The following FAM117B variants were observed in gnomAD, a reference collection of about 807,000 sequenced individuals.
FAM117B encodes the protein protein FAM117B.
In FAM117B, 22 loss-of-function variants were observed where a neutral mutation model predicts 52.8. The ratio of observed to expected loss-of-function variants is 0.42; its 90% CI spans 0.30 to 0.59. The LOEUF (loss-of-function observed/expected upper bound fraction) is 0.59, where lower values mean the gene tolerates loss of function less well. Ranked by LOEUF, FAM117B falls within the 20% of genes least tolerant of loss-of-function variation. FAM117B has a pLI of 0.22. For missense variants in FAM117B, 678 were observed against 802.6 expected (o/e 0.84, Z 1.88); for synonymous variants, 309 against 324.1 (o/e 0.95, Z 0.50).
At chr2:202,761,192 C>T (rs929406475) in intron 7 of FAM117B, among the ~76,000 whole-genome samples, 6 of 152,186 alleles carry the variant, frequency 3.9e-5, no homozygotes, top group Admixed American at 1.3e-4. Flanking sequence ...CCACTGCATC[C>T]GGCCTGAGTT....
Position 202,683,612 on chromosome 2 carries a change from C to A in FAM117B, c.602-12269C>A, listed in dbSNP as rs79043391. Among the ~76,000 whole-genome samples, 1,353 of 152,178 alleles carry A rather than the reference C, an allele frequency of 8.9e-3. 22 individuals carry two copies. Among genetic ancestry groups the A allele is most frequent in the African/African-American group, 0.03 (1,257 of 41,532 alleles). On this transcript the variant is annotated intron_variant, in intron 1 of 7. Coordinates refer to ENST00000392238, the MANE Select transcript of FAM117B (RefSeq NM_173511.4). ...AAGAGACAAACTAGCAAAACTGACTCAGGAAGAAATAGAAAACTTGAATAT... is the reference window on the plus strand; with the variant it reads ...AAGAGACAAACTAGCAAAACTGACTAAGGAAGAAATAGAAAACTTGAATAT...
Position 202,642,033 on chromosome 2 carries a change from C to G in FAM117B, c.601+6245C>G, listed in dbSNP as rs1204921213. ...TCTCGGCTTACTGCAACCTCCGCCT[C>G]CCAGGTTCAAGCCATTCTCCTGCCT... On this transcript the variant is annotated intron_variant, in intron 1 of 7. Coordinates refer to ENST00000392238, the MANE Select transcript of FAM117B (RefSeq NM_173511.4). 2.0e-5 allele frequency among the ~76,000 whole-genome samples: 3 copies of G among 149,460 alleles called. No homozygotes were observed. In the South Asian group the frequency reaches 6.4e-4, roughly 32 times the overall value.
At chr2:202,662,844 AAAG>A (rs1486878626) in intron 1 of FAM117B, among the ~76,000 whole-genome samples, 4 of 152,264 alleles carry the variant, frequency 2.6e-5, no homozygotes, top group Admixed American at 6.5e-5. Context: ...CTCCATCTCA[AAAG>A]AAGAAGAAGA....
At position 202,635,717 on chromosome 2, in the gene FAM117B, G is replaced by A. The variant is rs1435320200; in HGVS notation, c.530G>A (p.Arg177Gln). 2 of 1,438,534 alleles carry A rather than the reference G, an allele frequency of 1.4e-6. No individual in the cohort carries two copies. Among genetic ancestry groups the A allele is most frequent in the Non-Finnish European group, 1.8e-6 (2 of 1,097,496 alleles). 89.1% of individuals were successfully genotyped at this position (1,438,534 alleles called of 1,614,324 possible). A position where few individuals can be genotyped will look rare whatever the true frequency, so the allele number is the denominator to read the frequency against. The change falls in exon 1 of 8, where the codon CGG (arginine) becomes CAG (glutamine). Residue 177 changes from arginine to glutamine, a missense_variant. Physicochemically the swap from Arg to Gln is conservative, Grantham distance 43 (BLOSUM62 1). Transcript: ENST00000392238. Reference protein sequence around the residue: ...AAPPPARVRHRRRSPEQSRSS... With the variant: ...AAPPPARVRHQRRSPEQSRSS... Reference sequence around the variant, plus strand: ...CCACCCCCAGCCCGCGTCCGGCATCGGAGGAGGTCTCCGGAGCAGAGCCGA... The same window carrying A: ...CCACCCCCAGCCCGCGTCCGGCATCAGAGGAGGTCTCCGGAGCAGAGCCGA...
At chr2:202,639,375 A>C (rs554053101) in intron 1 of FAM117B, among the ~76,000 whole-genome samples, 1 of 152,182 alleles carries the variant, frequency 6.6e-6, no homozygotes, top group African/African-American at 2.4e-5. Context: ...TAATCCAAGC[A>C]CCCATCCCTG....
At chr2:202,707,324 A>G (rs1690886858) in intron 2 of FAM117B, among the ~76,000 whole-genome samples, 1 of 150,244 alleles carries the variant, frequency 6.7e-6, no homozygotes, top group Non-Finnish European at 1.5e-5. Context: ...TGTTGGGATT[A>G]CAGGTGTGGT....
At chr2:202,688,789 G>A (rs1237276378) in intron 1 of FAM117B, among the ~76,000 whole-genome samples, 1 of 152,064 alleles carries the variant, frequency 6.6e-6, no homozygotes, top group Non-Finnish European at 1.5e-5. Flanking sequence ...TCAGTAAAAG[G>A]CAATTTGGCA....
intron 1 of FAM117B, among the ~76,000 whole-genome samples, chr2:202,658,785 GT>G (rs1690086257): frequency 1.3e-5 from 2 of 152,140 alleles, no homozygotes; most frequent in East Asian, 3.9e-4. Context: ...TCCTTTAGGA[GT>G]TTTTTTCTTT....
intron 4 of FAM117B, 80 bp from the exon 5 acceptor site, chr2:202,755,458 T>TA (rs1691786800): frequency 6.5e-7 from 1 of 1,527,042 alleles, no homozygotes; most frequent in South Asian, 1.3e-5. Flanking sequence ...TTGAGTTACT[T>TA]ATGTCTGTTG....
intron 1 of FAM117B, among the ~76,000 whole-genome samples, chr2:202,655,330 A>T (rs1690035698): frequency 6.6e-6 from 1 of 152,074 alleles, no homozygotes; most frequent in African/African-American, 2.4e-5. Flanking sequence ...GGTGCTATAA[A>T]CATTTGTATA....
At chr2:202,711,831 T>C (rs1391726656) in intron 2 of FAM117B, among the ~76,000 whole-genome samples, 1 of 152,170 alleles carries the variant, frequency 6.6e-6, no homozygotes, top group African/African-American at 2.4e-5. Flanking sequence ...CTTGGCATCT[T>C]TGTCAAAACT....
intron 2 of FAM117B, among the ~76,000 whole-genome samples, chr2:202,702,532 G>A (rs1324588380): frequency 6.6e-6 from 1 of 152,192 alleles, no homozygotes; most frequent in Non-Finnish European, 1.5e-5. Flanking sequence ...AAAAGATTGT[G>A]ACTTATTGAA....
At chr2:202,763,346 A>G (rs1289390662) in intron 7 of FAM117B, among the ~76,000 whole-genome samples, 1 of 152,174 alleles carries the variant, frequency 6.6e-6, no homozygotes, top group African/African-American at 2.4e-5. Flanking sequence ...TGCTGGGATT[A>G]CAAGCGTGAG....
chr2:202,699,604 A>T (rs55719535), intron 2 of FAM117B, among the ~76,000 whole-genome samples: 12,425 of 152,120 alleles, frequency 0.082, 1,696 homozygotes, highest in African/African-American at 0.28. Flanking sequence ...TTTAGCAGTA[A>T]CACAATTAAT....
chr2:202,663,686 C>T (rs1224979778), intron 1 of FAM117B, among the ~76,000 whole-genome samples: 1 of 151,254 alleles, frequency 6.6e-6, no homozygotes, highest in Admixed American at 6.6e-5. Flanking sequence ...CAGGTTCAAG[C>T]GATTCTCCTG....
chr2:202,759,573 T>G (rs1322454303), intron 7 of FAM117B, among the ~76,000 whole-genome samples: 1 of 151,386 alleles, frequency 6.6e-6, no homozygotes, highest in Non-Finnish European at 1.5e-5. Context: ...TTTTTTTTTT[T>G]TTGAGACAGA....
At position 202,693,551 on chromosome 2, in the gene FAM117B, G is replaced by A. The variant is rs563773338; in HGVS notation, c.602-2330G>A. Among the ~76,000 whole-genome samples, 9 of 152,294 alleles carry A rather than the reference G, an allele frequency of 5.9e-5. No homozygotes were observed. The East Asian group carries it at 1.5e-3, about 26-fold the overall frequency. Reference sequence around the variant, plus strand: ...GTGGAGGTTGCAGTGAGCCTAGATCGCCACACTGCACTCTAGCCTGGGTGA... The same window carrying A: ...GTGGAGGTTGCAGTGAGCCTAGATCACCACACTGCACTCTAGCCTGGGTGA... On this transcript the variant is annotated intron_variant, in intron 1 of 7. Coordinates refer to ENST00000392238, the MANE Select transcript of FAM117B (RefSeq NM_173511.4).
chr2:202,761,034 A>T (rs1213220604), intron 7 of FAM117B, among the ~76,000 whole-genome samples: 1 of 152,088 alleles, frequency 6.6e-6, no homozygotes, highest in Non-Finnish European at 1.5e-5. Context: ...TCAGCCTCCC[A>T]GTTAGCTGAG....
At chr2:202,704,006 G>A (rs1389890236) in intron 2 of FAM117B, among the ~76,000 whole-genome samples, 9 of 152,098 alleles carry the variant, frequency 5.9e-5, no homozygotes, top group Non-Finnish European at 2.9e-5. Flanking sequence ...GTCCTAGTAG[G>A]TATGTTGTGG....
Sources: gnomAD v4.1 joint callset for allele counts (sites outside exome capture counted in the v4.1 genomes callset) on GRCh38, gnomAD v4.1.1 for gene constraint, MANE v1.5 for transcripts, NCBI Gene and HGNC (gene_info 2026-07-23, HGNC 2026-07-21) for gene names.